Variants in FGD3 observed in about 807,000 individuals in gnomAD.
FGD3 encodes the protein FYVE, RhoGEF and PH domain containing 3.
In FGD3, 45 loss-of-function variants were observed where a neutral mutation model predicts 71.8. That is an observed-to-expected ratio of 0.63 (90% CI 0.49 to 0.80). The LOEUF is 0.80. Among genes scored for constraint, FGD3 ranks in the 30% least tolerant of loss-of-function variants. The pLI, the probability that FGD3 is intolerant of heterozygous loss-of-function variation, is 0.00. For missense variants in FGD3, 844 were observed against 951.5 expected (o/e 0.89, Z 1.49); for synonymous variants, 378 against 392.8 (o/e 0.96, Z 0.44).
At chr9:93,006,411 C>T (rs556322831) in intron 6 of FGD3, among the ~76,000 whole-genome samples, 10 of 152,262 alleles carry the variant, frequency 6.6e-5, no homozygotes, top group Middle Eastern at 3.4e-3. Flanking sequence ...GCATTCCCAT[C>T]GGAAAATCGT....
Position 93,016,466 on chromosome 9 carries a change from TA to T in FGD3, c.1275+638del, listed in dbSNP as rs547243011. On this transcript the variant is annotated intron_variant, in intron 10 of 17. Transcript: ENST00000375482. ...GATTCTCCTGCCTCACCCTCCTGTG[TA>T]GCTGCGATTACAGGTGTGTGCCACC... 4.3e-4 allele frequency among the ~76,000 whole-genome samples: 65 copies of T among 151,824 alleles called. No homozygotes were observed. In the South Asian group the frequency reaches 9.0e-3, roughly 21 times the overall value.
chr9:93,016,294 A>G (rs1587859485), intron 10 of FGD3, among the ~76,000 whole-genome samples: 2 of 138,068 alleles, frequency 1.4e-5, no homozygotes, highest in African/African-American at 2.7e-5. Context: ...AGCCGGGGGG[A>G]GGGTTCCAGG....
At chr9:93,001,280 C>T (rs1007759493) in intron 3 of FGD3, among the ~76,000 whole-genome samples, 8 of 152,058 alleles carry the variant, frequency 5.3e-5, no homozygotes, top group Non-Finnish European at 8.8e-5. Flanking sequence ...TCAAGCAGCT[C>T]ATAGATCTGT....
At chr9:93,024,697 CAGGACCTGGGCGGGTTGT>C (rs1224968552) in intron 14 of FGD3, among the ~76,000 whole-genome samples, 1 of 152,210 alleles carries the variant, frequency 6.6e-6, no homozygotes, top group African/African-American at 2.4e-5. Context: ...CCTGGGTGGG[CAGGACCTGGGCGGGTTGT>C]AGGAACAGCA....
intron 3 of FGD3, among the ~76,000 whole-genome samples, chr9:92,995,148 G>A (rs987867068): frequency 2.3e-4 from 35 of 151,994 alleles, no homozygotes; most frequent in Admixed American, 1.9e-3. Flanking sequence ...CTTTTATTTC[G>A]TTGAGCAGTG....
chr9:93,033,626 G>A (rs749889960), intron 16 of FGD3: 1 of 152,810 alleles, frequency 6.5e-6, no homozygotes, highest in Non-Finnish European at 1.5e-5. Flanking sequence ...CAGGACAGCT[G>A]AAAAAGAAAA....
rs1045589470 is a variant in FGD3 at position 93,011,340 on chromosome 9, G to A, written c.1035+68G>A. The A allele has an allele frequency of 8.9e-6, 14 of 1,581,224 alleles. No homozygotes were observed. In the South Asian group the frequency reaches 1.3e-4, roughly 15 times the overall value. ...AAGAGTGAGGGCCAGGGGCCCTTGT[G>A]GGCCAGCCCCTTTGCCGCTATCCTT... On this transcript the variant is annotated intron_variant, in intron 8 of 17. Coordinates refer to ENST00000375482, the MANE Select transcript of FGD3 (RefSeq NM_001083536.2).
intron 1 of FGD3, among the ~76,000 whole-genome samples, chr9:92,970,265 G>A (rs540464648): frequency 9.8e-5 from 15 of 152,328 alleles, no homozygotes; most frequent in African/African-American, 3.4e-4. Context: ...CTGACCCTGG[G>A]CATGGGTGTG....
intron 1 of FGD3, among the ~76,000 whole-genome samples, chr9:92,959,427 G>T (rs904413513): frequency 7.2e-5 from 11 of 151,978 alleles, no homozygotes; most frequent in African/African-American, 2.4e-4. Flanking sequence ...ATTGGGCAAG[G>T]CTCGGTGGGT....
intron 1 of FGD3, among the ~76,000 whole-genome samples, chr9:92,967,657 C>T (rs1046407480): frequency 6.6e-6 from 1 of 152,188 alleles, no homozygotes; most frequent in Non-Finnish European, 1.5e-5. Context: ...TCACTGCTAC[C>T]TCTGCCTTCC....
At chr9:92,971,066 C>T (rs532847855) in intron 1 of FGD3, among the ~76,000 whole-genome samples, 6 of 152,206 alleles carry the variant, frequency 3.9e-5, no homozygotes, top group Non-Finnish European at 8.8e-5. Context: ...GGCTCCTCAA[C>T]CCAGGTTGCC....
chr9:93,008,904 G>A (rs902561491), intron 6 of FGD3, among the ~76,000 whole-genome samples: 3 of 151,204 alleles, frequency 2.0e-5, no homozygotes, highest in Non-Finnish European at 4.4e-5. Flanking sequence ...GGCGGAGGCT[G>A]TAGTGAGCCA....
chr9:92,992,925 C>T (rs1293003598), intron 3 of FGD3, among the ~76,000 whole-genome samples: 1 of 152,218 alleles, frequency 6.6e-6, no homozygotes, highest in East Asian at 1.9e-4. Flanking sequence ...GGAAGTCCCT[C>T]CTGACTCTGG....
rs1480413018 is a variant in FGD3 at position 93,013,999 on chromosome 9, G to A, written c.1182+1G>A. The A allele has an allele frequency of 3.1e-6, 5 of 1,605,168 alleles. No homozygotes were observed. On this transcript the variant is annotated splice_donor_variant, in intron 9 of 17. Transcript: ENST00000375482. LOFTEE classifies it high-confidence loss of function. ...CCCCCAGGACCGCCACCTCTTCCTG[G>A]TGAGCCTGGCCCCTGCCAGCCCAGC...
intron 6 of FGD3, among the ~76,000 whole-genome samples, chr9:93,009,497 CAA>C (rs1861212954): frequency 6.6e-6 from 1 of 152,178 alleles, no homozygotes; most frequent in Non-Finnish European, 1.5e-5. Flanking sequence ...GACAGGACGA[CAA>C]AGTCAGCAGG....
chr9:92,958,015 T>C (rs920234101), intron 1 of FGD3, among the ~76,000 whole-genome samples: 2 of 151,444 alleles, frequency 1.3e-5, no homozygotes, highest in African/African-American at 4.9e-5. Flanking sequence ...TTTTTTTTTT[T>C]TGAGACAGGG....
At chr9:93,020,223 G>T in intron 12 of FGD3, 94 bp from the exon 13 acceptor site, 2 of 1,205,758 alleles carry the variant, frequency 1.7e-6, no homozygotes, top group Non-Finnish European at 2.3e-6. Context: ...GAACGCCAAG[G>T]CCCGTCCTCG....
In FGD3 at chr9:92,969,964, C is replaced by T. The variant is rs1859474162; in HGVS notation, c.-217-5274C>T. ...CAGCCCTGAGTGTCTGGGACCTGTT[C>T]CCTGGCTGAGTCCACAGTGGGCACG... is the stretch of plus-strand genomic sequence containing the variant. On this transcript the variant is annotated intron_variant, in intron 1 of 17. Coordinates refer to ENST00000375482, the MANE Select transcript of FGD3 (RefSeq NM_001083536.2). This position sits in a 1 kb window ranked among gnomAD's most constrained non-coding sequence, Gnocchi z 4.5. Among the ~76,000 whole-genome samples, 1 of 152,192 alleles carries T rather than the reference C, an allele frequency of 6.6e-6. No individual in the cohort carries two copies. Among genetic ancestry groups the T allele is most frequent in the Admixed American group, 6.5e-5 (1 of 15,276 alleles).
chr9:93,033,158 A>G, intron 16 of FGD3: 1 of 480,044 alleles, frequency 2.1e-6, no homozygotes, highest in Non-Finnish European at 3.9e-6. Flanking sequence ...GTTGGAGGGC[A>G]TGGATTGAAG....
Sources: gnomAD v4.1 joint callset for allele counts (sites outside exome capture counted in the v4.1 genomes callset) on GRCh38, gnomAD v4.1.1 for gene constraint, Gnocchi (gnomAD v3.1) non-coding constraint, MANE v1.5 for transcripts, NCBI Gene and HGNC (gene_info 2026-07-23, HGNC 2026-07-21) for gene names.